AR: variants seen among roughly 807,000 people sequenced by gnomAD.
AR encodes dihydrotestosterone receptor.
In AR, 8 loss-of-function variants were observed where a neutral mutation model predicts 53.9. The observed-to-expected ratio is 0.15, with a 90% confidence interval of 0.09 to 0.27. AR has a LOEUF of 0.27. AR is among the 10% of genes least tolerant of loss of function. The pLI is 1.00. For missense variants in AR, 639 were observed against 742.5 expected, an observed-to-expected ratio of 0.86 and a Z score of 1.62; for synonymous variants, 359 against 316.4, an observed-to-expected ratio of 1.13 and a Z score of -1.43.
chrX:67,553,662 G>A (rs1423837809), intron 1 of AR, among the ~76,000 whole-genome samples: 2 of 111,612 alleles, frequency 1.8e-5, no homozygotes, highest in Admixed American at 9.5e-5. Context: ...TCTCAACAAC[G>A]TTAAGTTATT....
intron 1 of AR, among the ~76,000 whole-genome samples, chrX:67,579,897 T>C (rs989411242): frequency 5.4e-5 from 6 of 111,546 alleles, no homozygotes; most frequent in Non-Finnish European, 7.5e-5. Flanking sequence ...CACAACAAAA[T>C]GGCAGCACCC....
intron 1 of AR, among the ~76,000 whole-genome samples, chrX:67,586,215 C>A (rs148186039): frequency 8.9e-6 from 1 of 111,872 alleles, no homozygotes; most frequent in African/African-American, 3.2e-5. Flanking sequence ...CCTCTTCCAC[C>A]TCCATATAAG....
At chrX:67,548,048 G>A (rs1929838100) in intron 1 of AR, among the ~76,000 whole-genome samples, 1 of 111,865 alleles carries the variant, frequency 8.9e-6, no homozygotes, top group Non-Finnish European at 1.9e-5. Flanking sequence ...TGATGTCCCT[G>A]TGGACTTTTG....
At chrX:67,548,738 A>G in intron 1 of AR, among the ~76,000 whole-genome samples, 1 of 112,247 alleles carries the variant, frequency 8.9e-6, no homozygotes, top group East Asian at 2.8e-4. Context: ...CAAGTAGACA[A>G]CGAGCTTGGT....
intron 1 of AR, among the ~76,000 whole-genome samples, chrX:67,607,673 T>A (rs1923692919): frequency 8.9e-6 from 1 of 112,257 alleles, no homozygotes; most frequent in African/African-American, 3.2e-5. Context: ...GTGATTCAAA[T>A]GTTAAGAATT....
At chrX:67,708,619 A>T (rs759745748) in intron 3 of AR, among the ~76,000 whole-genome samples, 2 of 111,553 alleles carry the variant, frequency 1.8e-5, no homozygotes, top group African/African-American at 6.5e-5. Flanking sequence ...AAATTTGGTC[A>T]TCTGAAGCCT....
intron 1 of AR, among the ~76,000 whole-genome samples, chrX:67,559,046 G>A (rs1041610653): frequency 8.9e-6 from 1 of 112,201 alleles, no homozygotes; most frequent in Non-Finnish European, 1.9e-5. Context: ...TCTTATAACA[G>A]AAAGTTTTTA....
chrX:67,673,369 GTCTCTCTCTC>G (rs3070073), intron 2 of AR, among the ~76,000 whole-genome samples: 3 of 97,593 alleles, frequency 3.1e-5, no homozygotes, highest in African/African-American at 1.1e-4. Context: ...TTCTCTCTCT[GTCTCTCTCTC>G]TCTCTCTCTC....
intron 1 of AR, among the ~76,000 whole-genome samples, chrX:67,639,449 A>G (rs1351760221): frequency 8.9e-6 from 1 of 112,089 alleles, no homozygotes; most frequent in African/African-American, 3.2e-5. Flanking sequence ...CCTATCCATG[A>G]GCATGGAATG....
rs886806412 is a variant in AR at position 67,684,180 on chromosome X, C to T, written c.1769-1830C>T. Among the ~76,000 whole-genome samples, 5 of 111,938 alleles carry T rather than the reference C, an allele frequency of 4.5e-5. No homozygotes were observed. In the East Asian group the frequency reaches 1.1e-3, roughly 25 times the overall value. Reference sequence around the variant, plus strand: ...GAACAGCTACAACATTGGAATTGAACGCACTAGAATTGGATACAGGACCTG... The same window carrying T: ...GAACAGCTACAACATTGGAATTGAATGCACTAGAATTGGATACAGGACCTG... On this transcript the variant is annotated intron_variant, in intron 2 of 7. Coordinates refer to ENST00000374690, the MANE Select transcript of AR (RefSeq NM_000044.6).
intron 1 of AR, among the ~76,000 whole-genome samples, chrX:67,599,646 A>G: frequency 8.9e-6 from 1 of 112,104 alleles, no homozygotes; most frequent in Non-Finnish European, 1.9e-5. Flanking sequence ...AAATGAGTCC[A>G]TGATGTTTAC....
chrX:67,699,676 G>T (rs1277104025), intron 3 of AR, among the ~76,000 whole-genome samples: 1 of 110,197 alleles, frequency 9.1e-6, no homozygotes, highest in Non-Finnish European at 1.9e-5. Context: ...AGAATCTCGG[G>T]GACCGTCTTA....
At chrX:67,672,912 C>G (rs1187187752) in intron 2 of AR, among the ~76,000 whole-genome samples, 1 of 111,626 alleles carries the variant, frequency 9.0e-6, no homozygotes, top group African/African-American at 3.3e-5. Context: ...TTAAAGAGCT[C>G]CCTTTAGCAT....
intron 1 of AR, among the ~76,000 whole-genome samples, chrX:67,591,120 G>A (rs766990996): frequency 4.5e-5 from 5 of 111,082 alleles, no homozygotes; most frequent in East Asian, 5.7e-4. Context: ...AAATTAGCCC[G>A]AGAGAGAAAA....
chrX:67,583,155 C>T (rs1323938591), intron 1 of AR, among the ~76,000 whole-genome samples: 1 of 111,947 alleles, frequency 8.9e-6, no homozygotes, highest in Non-Finnish European at 1.9e-5. Flanking sequence ...CCATAGGCTA[C>T]TATGAAATCT....
chrX:67,588,494 G>T lies in AR; in HGVS notation c.1616+41732G>T, dbSNP rs776508130. Reference sequence around the variant, plus strand: ...GTCATGCCCAGCCTGGGATCATCAAGCCTGTTTTTATTGGAAGAGCAAGAG... The same window carrying T: ...GTCATGCCCAGCCTGGGATCATCAATCCTGTTTTTATTGGAAGAGCAAGAG... On this transcript the variant is annotated intron_variant, in intron 1 of 7. Coordinates refer to ENST00000374690, the MANE Select transcript of AR (RefSeq NM_000044.6). Among the ~76,000 whole-genome samples the T allele has an allele frequency of 3.6e-5, 4 of 111,835 alleles. No individual in the cohort carries two copies. The South Asian group carries it at 1.5e-3, about 42-fold the overall frequency.
Position 67,723,930 on chromosome X carries a change from T to G in AR, c.*89T>G. On this transcript the variant is annotated 3_prime_UTR_variant, in exon 8 of 8. Coordinates refer to ENST00000374690, the MANE Select transcript of AR (RefSeq NM_000044.6). ...ATAACTCTGCACTACTCCTCTGCAG[T>G]GCCTTGGGGAATTTCCTCTATTGAT... is the stretch of plus-strand genomic sequence containing the variant. 1.8e-6 allele frequency: 2 copies of G among 1,095,048 alleles called. No homozygotes were observed. Among genetic ancestry groups the G allele is most frequent in the East Asian group, 6.0e-5 (2 of 33,148 alleles). The allele number at this position is 1,095,048 out of a possible 1,213,427, so 90.2% of individuals were successfully genotyped here. A position where few individuals can be genotyped will look rare whatever the true frequency, so the allele number is the denominator to read the frequency against.
intron 1 of AR, among the ~76,000 whole-genome samples, chrX:67,640,284 T>A (rs1329072695): frequency 2.7e-5 from 3 of 111,437 alleles, no homozygotes; most frequent in African/African-American, 6.5e-5. Flanking sequence ...ACGTTTTCTT[T>A]TTTTGTTGTG....
At chrX:67,664,396 G>A (rs1407557448) in intron 2 of AR, among the ~76,000 whole-genome samples, 4 of 112,084 alleles carry the variant, frequency 3.6e-5, no homozygotes, top group Non-Finnish European at 7.5e-5. Context: ...GACCCTGTTT[G>A]CCTGGTTATC....
Sources: allele counts gnomAD v4.1 joint callset (sites outside exome capture counted in the v4.1 genomes callset), GRCh38; gene constraint gnomAD v4.1.1; transcripts MANE v1.5; gene names NCBI Gene and HGNC (gene_info 2026-07-23, HGNC 2026-07-21).